VGLL4: variants seen among roughly 807,000 people sequenced by gnomAD.
VGLL4 encodes the protein vestigial like family member 4, also known as transcription cofactor vestigial-like protein 4.
A neutral mutation model predicts 21.0 loss-of-function variants in VGLL4; 7 were observed. The ratio of observed to expected loss-of-function variants is 0.33; its 90% CI spans 0.19 to 0.63. The LOEUF (loss-of-function observed/expected upper bound fraction) is 0.63, where lower values mean the gene tolerates loss of function less well. Among genes scored for constraint, VGLL4 ranks in the 20% least tolerant of loss-of-function variants. The probability of loss-of-function intolerance (pLI) is 0.78; values close to 1 mark genes in which losing one functional copy is unlikely to be tolerated. For synonymous variants in VGLL4, 222 were observed against 173.2 expected (o/e 1.28, Z -2.21); for missense variants, 394 against 425.7 (o/e 0.93, Z 0.66).
chr3:11,600,273 C>G (rs1263425781), intron 2 of VGLL4, among the ~76,000 whole-genome samples: 1 of 151,482 alleles, frequency 6.6e-6, no homozygotes, highest in African/African-American at 2.4e-5. Context: ...GTGACTTGTC[C>G]AAAGCCTCAC....
intron 2 of VGLL4, among the ~76,000 whole-genome samples, chr3:11,596,475 A>G (rs976711737): frequency 6.6e-6 from 1 of 152,184 alleles, no homozygotes. Context: ...CCATGAGTAC[A>G]TGTGTGGATG....
At chr3:11,577,725 T>G (rs1449244791) in intron 2 of VGLL4, among the ~76,000 whole-genome samples, 1 of 152,218 alleles carries the variant, frequency 6.6e-6, no homozygotes, top group Admixed American at 6.5e-5. Context: ...AGCTGCTGCT[T>G]AAACACTATC....
upstream of VGLL4, among the ~76,000 whole-genome samples, chr3:11,720,999 T>C (rs558202406): frequency 4.6e-5 from 7 of 152,312 alleles, no homozygotes; most frequent in Non-Finnish European, 1.0e-4. Flanking sequence ...GCTTAACATA[T>C]CCAGCGGCTA....
At chr3:11,711,418 G>T (rs1034196917) in intron 1 of VGLL4, among the ~76,000 whole-genome samples, 26 of 151,936 alleles carry the variant, frequency 1.7e-4, no homozygotes, top group Non-Finnish European at 3.2e-4. Flanking sequence ...CAAAAAATTA[G>T]CCAGGCATGG....
At chr3:11,654,456 C>T (rs2075926299) in intron 2 of VGLL4, among the ~76,000 whole-genome samples, 1 of 152,194 alleles carries the variant, frequency 6.6e-6, no homozygotes, top group Non-Finnish European at 1.5e-5. Context: ...TGTGATTTTC[C>T]ACTGCACCCA....
chr3:11,683,158 C>T (rs138862053), intron 2 of VGLL4, among the ~76,000 whole-genome samples: 5 of 151,474 alleles, frequency 3.3e-5, no homozygotes, highest in Admixed American at 1.3e-4. Flanking sequence ...ACCTGGGAAG[C>T]GGAGGTTGCA....
At chr3:11,573,253 A>AG (rs2073857679) in intron 2 of VGLL4, among the ~76,000 whole-genome samples, 1 of 4,406 alleles carries the variant, frequency 2.3e-4, no homozygotes, top group African/African-American at 1.1e-3. Context: ...TAGAGAAAGA[A>AG]AGAAAGAAAG....
At chr3:11,619,490 T>A (rs974927129) in intron 1 of VGLL4, among the ~76,000 whole-genome samples, 6 of 152,230 alleles carry the variant, frequency 3.9e-5, no homozygotes, top group Non-Finnish European at 8.8e-5. Context: ...TTTTTCCTTA[T>A]GCCCTAGGGT....
At chr3:11,705,846 G>T (rs187429336) in intron 1 of VGLL4, among the ~76,000 whole-genome samples, 219 of 151,854 alleles carry the variant, frequency 1.4e-3, no homozygotes, top group African/African-American at 4.8e-3. Flanking sequence ...GCATGAACCC[G>T]CGAGGCGGAG....
intron 1 of VGLL4, among the ~76,000 whole-genome samples, chr3:11,642,315 T>TG (rs2075708879): frequency 6.6e-6 from 1 of 152,196 alleles, no homozygotes; most frequent in South Asian, 2.1e-4. Flanking sequence ...TTGTTGTTGT[T>TG]TTTTTTCCTT....
In VGLL4 at chr3:11,565,623, C is replaced by T. The variant is rs551362472; in HGVS notation, c.273-604G>A. Among the ~76,000 whole-genome samples the T allele has an allele frequency of 1.2e-4, 18 of 152,164 alleles. No homozygotes were observed. The highest frequency in any genetic ancestry group is 2.2e-4 in the Non-Finnish European group (15 of 68,034). On this transcript the variant is annotated intron_variant, in intron 2 of 4. Coordinates refer to ENST00000430365, the MANE Select transcript of VGLL4 (RefSeq NM_001128219.3). This position sits in a 1 kb window ranked among gnomAD's most constrained non-coding sequence, Gnocchi z 4.1. ...GTGGTGGCACGTGCTCTGGGGTTCC[C>T]GGGGTGCTGTAGGGAGCCGGCGCGC...
chr3:11,594,190 C>T (rs1402993713), intron 2 of VGLL4, among the ~76,000 whole-genome samples: 2 of 152,148 alleles, frequency 1.3e-5, no homozygotes, highest in Non-Finnish European at 2.9e-5. Flanking sequence ...CATGTAATTC[C>T]CCAGGTGGGA....
chr3:11,674,011 CAAAAA>C (rs11293628), intron 2 of VGLL4, among the ~76,000 whole-genome samples: 9 of 56,902 alleles, frequency 1.6e-4, no homozygotes, highest in African/African-American at 6.4e-4. Context: ...GACTTTGTCT[CAAAAA>C]AAAAAAAAAA....
At chr3:11,582,691 C>T (rs2074264358) in intron 2 of VGLL4, among the ~76,000 whole-genome samples, 1 of 152,144 alleles carries the variant, frequency 6.6e-6, no homozygotes, top group African/African-American at 2.4e-5. Context: ...CTAAAGAAAA[C>T]ACAGGAGAGG....
upstream of VGLL4, among the ~76,000 whole-genome samples, chr3:11,645,546 C>T (rs1162377795): frequency 5.7e-5 from 5 of 87,456 alleles, 1 homozygote; most frequent in Admixed American, 1.2e-4. Context: ...GCCAAGATTG[C>T]GCCACTGCAG....
At chr3:11,697,275 T>TC (rs1234570000) in intron 2 of VGLL4, among the ~76,000 whole-genome samples, 1 of 147,886 alleles carries the variant, frequency 6.8e-6, no homozygotes, top group East Asian at 2.0e-4. Context: ...TAATTGTGGT[T>TC]TTTTTTTTTT....
intron 1 of VGLL4, among the ~76,000 whole-genome samples, chr3:11,631,247 G>A (rs1028249499): frequency 1.0e-4 from 15 of 149,760 alleles, no homozygotes; most frequent in African/African-American, 2.9e-4. Flanking sequence ...GCTCAGGGGC[G>A]ATGAGAATGC....
intron 2 of VGLL4, among the ~76,000 whole-genome samples, chr3:11,678,464 T>C (rs11716409): frequency 0.53 from 80,498 of 152,198 alleles, 22,368 homozygotes; most frequent in Non-Finnish European, 0.63. Context: ...TAATTCTGAC[T>C]TAATGACCTT....
intron 2 of VGLL4, among the ~76,000 whole-genome samples, chr3:11,586,778 C>T (rs2074371519): frequency 6.6e-6 from 1 of 152,208 alleles, no homozygotes; most frequent in Admixed American, 6.5e-5. Flanking sequence ...ATGACAATCG[C>T]TTTGTCGGGA....
Sources: gnomAD v4.1 joint callset for allele counts (sites outside exome capture counted in the v4.1 genomes callset) on GRCh38, gnomAD v4.1.1 for gene constraint, Gnocchi (gnomAD v3.1) non-coding constraint, MANE v1.5 for transcripts, NCBI Gene and HGNC (gene_info 2026-07-23, HGNC 2026-07-21) for gene names.